KCNK9: variants seen among roughly 807,000 people sequenced by gnomAD.
KCNK9 encodes potassium channel subfamily K member 9.
In KCNK9, 1 loss-of-function variant was observed where a neutral mutation model predicts 10.8. The ratio of observed to expected loss-of-function variants is 0.09; its 90% confidence interval spans 0.03 to 0.44. KCNK9 has a LOEUF of 0.44. KCNK9 is among the 20% of genes least tolerant of loss of function. KCNK9 has a pLI of 0.97. For synonymous variants in KCNK9, 231 were observed against 222.7 expected, an observed-to-expected ratio of 1.04 and a Z score of -0.33; for missense variants, 303 against 515.0, an observed-to-expected ratio of 0.59 and a Z score of 3.98.
downstream of KCNK9, among the ~76,000 whole-genome samples, chr8:139,613,337 T>C (rs559280354): frequency 1.9e-4 from 29 of 152,316 alleles, no homozygotes; most frequent in African/African-American, 6.7e-4. Flanking sequence ...ACCGTGGTCA[T>C]AGATTTGCTG....
chr8:139,600,868 T>C (rs1817348355), downstream of KCNK9: 1 of 152,240 alleles, frequency 6.6e-6, no homozygotes. Context: ...CTGCATTTAT[T>C]ACAAGCATCA....
At chr8:139,650,815 G>A (rs926476638) in intron 1 of KCNK9, among the ~76,000 whole-genome samples, 2 of 152,162 alleles carry the variant, frequency 1.3e-5, no homozygotes, top group Admixed American at 6.5e-5. Context: ...CAGCCCCATG[G>A]CCTTCAGGGA....
chr8:139,663,760 G>C (rs1333296498), intron 1 of KCNK9, among the ~76,000 whole-genome samples: 2 of 152,084 alleles, frequency 1.3e-5, no homozygotes, highest in Non-Finnish European at 2.9e-5. Flanking sequence ...AACCGCCTGA[G>C]AGACCTCGAG....
chr8:139,628,016 A>G (rs1815032354), intron 1 of KCNK9, among the ~76,000 whole-genome samples: 1 of 152,280 alleles, frequency 6.6e-6, no homozygotes, highest in Non-Finnish European at 1.5e-5. Flanking sequence ...TTAGTGTCCA[A>G]TTAAACATTT....
intron 1 of KCNK9, among the ~76,000 whole-genome samples, chr8:139,655,356 G>T (rs1187724251): frequency 6.6e-6 from 1 of 152,136 alleles, no homozygotes; most frequent in Admixed American, 6.5e-5. Context: ...CTCCTTCCCC[G>T]GCTTGTTCCC....
At chr8:139,681,208 T>C (rs771845059) in intron 1 of KCNK9, among the ~76,000 whole-genome samples, 12 of 152,160 alleles carry the variant, frequency 7.9e-5, no homozygotes, top group Non-Finnish European at 1.5e-4. Flanking sequence ...CCATTTTACA[T>C]ATGGAAACAC....
intron 1 of KCNK9, among the ~76,000 whole-genome samples, chr8:139,649,973 G>A (rs73724498): frequency 6.6e-6 from 1 of 152,322 alleles, no homozygotes; most frequent in African/African-American, 2.4e-5. Flanking sequence ...ACGCTTCTGT[G>A]TCATCTCCCT....
intron 2 of KCNK9, among the ~76,000 whole-genome samples, chr8:139,602,554 A>G (rs1817397333): frequency 6.6e-6 from 1 of 152,228 alleles, no homozygotes; most frequent in African/African-American, 2.4e-5. Flanking sequence ...AAAAGAACTT[A>G]GCACGCAATG....
At chr8:139,643,097 A>C (rs936093067) in intron 1 of KCNK9, among the ~76,000 whole-genome samples, 2 of 152,036 alleles carry the variant, frequency 1.3e-5, no homozygotes, top group African/African-American at 4.8e-5. Context: ...CAAGGAATAA[A>C]CCAGCCTGCA....
At chr8:139,659,256 C>A (rs1816093209) in intron 1 of KCNK9, among the ~76,000 whole-genome samples, 1 of 151,838 alleles carries the variant, frequency 6.6e-6, no homozygotes. Flanking sequence ...GGAGTCCTGA[C>A]CCCCTGAGAC....
At chr8:139,694,561 C>A (rs1817007191) in intron 1 of KCNK9, among the ~76,000 whole-genome samples, 1 of 152,228 alleles carries the variant, frequency 6.6e-6, no homozygotes, top group African/African-American at 2.4e-5. Flanking sequence ...CCCCTGAAAT[C>A]CTGCCCAGGT....
chr8:139,698,115 C>T (rs181250425), intron 1 of KCNK9, among the ~76,000 whole-genome samples: 1 of 152,340 alleles, frequency 6.6e-6, no homozygotes, highest in East Asian at 1.9e-4. Flanking sequence ...CCAGGGAAAA[C>T]ACCACAGTTG....
intron 1 of KCNK9, among the ~76,000 whole-genome samples, chr8:139,646,438 C>T (rs1035983411): frequency 6.6e-6 from 1 of 152,260 alleles, no homozygotes; most frequent in African/African-American, 2.4e-5. Context: ...AACAGAGATT[C>T]TAGCGGCCAG....
At chr8:139,628,355 C>A (rs1815043005) in intron 1 of KCNK9, among the ~76,000 whole-genome samples, 1 of 152,266 alleles carries the variant, frequency 6.6e-6, no homozygotes, top group Non-Finnish European at 1.5e-5. Context: ...CCCTGCCCTG[C>A]ACAGCGTGCC....
chr8:139,643,941 G>C (rs550933251), intron 1 of KCNK9, among the ~76,000 whole-genome samples: 32 of 152,334 alleles, frequency 2.1e-4, no homozygotes, highest in Middle Eastern at 6.8e-3. Context: ...CCAGCTCTCT[G>C]GTCCCGGGGT....
intron 1 of KCNK9, among the ~76,000 whole-genome samples, chr8:139,656,810 C>T (rs1487568028): frequency 6.6e-6 from 1 of 152,186 alleles, no homozygotes; most frequent in Non-Finnish European, 1.5e-5. Flanking sequence ...CTCTCAGGGC[C>T]TCCCTGGAGC....
At chr8:139,674,906 C>G (rs1450693308) in intron 1 of KCNK9, among the ~76,000 whole-genome samples, 1 of 152,064 alleles carries the variant, frequency 6.6e-6, no homozygotes, top group Non-Finnish European at 1.5e-5. Context: ...GGCTCTTCCT[C>G]CCCCCGAAGC....
intron 2 of KCNK9, among the ~76,000 whole-genome samples, chr8:139,607,378 A>G (rs895919965): frequency 5.3e-5 from 8 of 152,192 alleles, no homozygotes; most frequent in African/African-American, 1.7e-4. Context: ...CACATGCTCA[A>G]CGTGCTCAGT....
exon 3 of KCNK9, chr8:139,601,157 T>A (rs1424119524): frequency 3.3e-5 from 5 of 152,240 alleles, no homozygotes; most frequent in Non-Finnish European, 5.9e-5. Context: ...AGTCTGTTTA[T>A]GAACGCGATT....
Sources: gnomAD v4.1 joint callset for allele counts (sites outside exome capture counted in the v4.1 genomes callset) on GRCh38, gnomAD v4.1.1 for gene constraint, MANE v1.5 for transcripts, NCBI Gene and HGNC (gene_info 2026-07-23, HGNC 2026-07-21) for gene names.